Variants in SLC35F3 observed in about 807,000 individuals in gnomAD.
The protein encoded by SLC35F3 is putative thiamine transporter SLC35F3.
In SLC35F3, 25 loss-of-function variants were observed where a neutral mutation model predicts 49.9. That is an observed-to-expected ratio of 0.50 (90% CI 0.37 to 0.70). The LOEUF is 0.70. SLC35F3 is among the 30% of genes least tolerant of loss of function. The pLI is 0.00. For missense variants in SLC35F3, 525 were observed against 639.8 expected (o/e 0.82, Z 1.94); for synonymous variants, 275 against 265.4 (o/e 1.04, Z -0.35).
intron 2 of SLC35F3, among the ~76,000 whole-genome samples, chr1:234,051,728 G>A (rs1300105304): frequency 6.6e-6 from 1 of 152,118 alleles, no homozygotes; most frequent in African/African-American, 2.4e-5. Flanking sequence ...AGTTTTCAAA[G>A]GGAATGCTTC....
chr1:233,970,739 G>C (rs1448761913), intron 2 of SLC35F3, among the ~76,000 whole-genome samples: 5 of 152,194 alleles, frequency 3.3e-5, no homozygotes, highest in African/African-American at 1.2e-4. Context: ...AAGAGACAGA[G>C]AGAAGACGGC....
At chr1:233,926,452 A>G (rs1662161939) in intron 2 of SLC35F3, among the ~76,000 whole-genome samples, 6 of 152,110 alleles carry the variant, frequency 3.9e-5, no homozygotes, top group African/African-American at 1.4e-4. Flanking sequence ...CAAGCGTCAC[A>G]TAGTTCTCAT....
rs534815351 is a variant in SLC35F3, at chr1:233,941,780, A to AT, written c.283+36028dup. 3.1e-3 allele frequency among the ~76,000 whole-genome samples: 470 copies of AT among 152,176 alleles called. 3 individuals are homozygous for AT. Among genetic ancestry groups the AT allele is most frequent in the African/African-American group, 0.011 (459 of 41,520 alleles). ...GAAAATCACTAACCTTTAGGACTAG[A>AT]TTTTTTAACAGCTTTATTGAGATAT... On this transcript the variant is annotated intron_variant, in intron 2 of 7. Transcript: ENST00000366618.
intron 2 of SLC35F3, among the ~76,000 whole-genome samples, chr1:234,103,580 C>T (rs1308071235): frequency 6.6e-6 from 1 of 152,058 alleles, no homozygotes; most frequent in African/African-American, 2.4e-5. Flanking sequence ...CACATTTTGT[C>T]GGGGGTTGTA....
chr1:234,309,125 C>A lies in SLC35F3; in HGVS notation c.633C>A (p.Asp211Glu), dbSNP rs955583343. ...RYRECCRFFG[D>E]NGLTLKVFFT... Reference sequence around the variant, plus strand: ...GGGAATGCTGTCGATTTTTTGGAGACAATGGCTTGACTTTGAAGGTGTTTT... The same window carrying A: ...GGGAATGCTGTCGATTTTTTGGAGAAAATGGCTTGACTTTGAAGGTGTTTT... Residue 211 changes from aspartate (D) to glutamate (E), a missense_variant, in exon 4 of 8, where the codon GAC (aspartate) becomes GAA (glutamate). Physicochemically the swap from Asp to Glu is conservative, Grantham distance 45. Transcript: ENST00000366618. 6.2e-7 allele frequency: 1 copy of A among 1,613,966 alleles called. No individual in the cohort carries two copies. Among genetic ancestry groups the A allele is most frequent in the Non-Finnish European group, 8.5e-7 (1 of 1,179,962 alleles).
intron 2 of SLC35F3, among the ~76,000 whole-genome samples, chr1:233,979,426 T>C (rs946449622): frequency 2.0e-5 from 3 of 152,210 alleles, no homozygotes; most frequent in African/African-American, 7.2e-5. Context: ...CAGCATGATA[T>C]GAAGAGAAAG....
chr1:234,309,652 T>C lies in SLC35F3; in HGVS notation c.828+332T>C, dbSNP rs538559423. ...CTCTGCGTGCTCACCCCGTCTCTCA[T>C]GGGCGGCTTTCCCGGCTGTAGGGCG... On this transcript the variant is annotated intron_variant, in intron 4 of 7. Coordinates refer to ENST00000366618, the MANE Select transcript of SLC35F3 (RefSeq NM_173508.4). Among the ~76,000 whole-genome samples the C allele has an allele frequency of 4.6e-5, 7 of 152,374 alleles. No homozygotes were observed. The South Asian group carries it at 1.4e-3, about 32-fold the overall frequency.
At chr1:234,296,513 A>G (rs1354216565) in intron 3 of SLC35F3, among the ~76,000 whole-genome samples, 1 of 152,260 alleles carries the variant, frequency 6.6e-6, no homozygotes, top group African/African-American at 2.4e-5. Context: ...CTAAGTAGCC[A>G]GACTGCTTCA....
chr1:234,147,018 T>G (rs540086697), intron 2 of SLC35F3, among the ~76,000 whole-genome samples: 65 of 152,206 alleles, frequency 4.3e-4, no homozygotes, highest in Non-Finnish European at 8.5e-4. Context: ...TCACTGTCTT[T>G]TTTTACACCC....
chr1:234,124,811 G>A (rs1665623959), intron 2 of SLC35F3, among the ~76,000 whole-genome samples: 1 of 152,110 alleles, frequency 6.6e-6, no homozygotes, highest in Non-Finnish European at 1.5e-5. Context: ...GAGGTTTCAG[G>A]GAGCTATGAG....
At chr1:234,124,930 A>G (rs571036709) in intron 2 of SLC35F3, among the ~76,000 whole-genome samples, 2 of 152,216 alleles carry the variant, frequency 1.3e-5, no homozygotes, top group Admixed American at 6.5e-5. Flanking sequence ...GCATGTGTCC[A>G]TGCATGCATT....
At position 234,299,225 on chromosome 1, in the gene SLC35F3, CA is replaced by C. The variant is rs534525233; in HGVS notation, c.609-9869del. On this transcript the variant is annotated intron_variant, in intron 3 of 7. Coordinates refer to ENST00000366618, the MANE Select transcript of SLC35F3 (RefSeq NM_173508.4). ...TGGGATCAGACAAGGAGGAACCAAA[CA>C]AAAAAAGCGTCCACCAAGGCAAAGA... Among the ~76,000 whole-genome samples the C allele has an allele frequency of 3.4e-4, 52 of 152,052 alleles. No homozygotes were observed. In the East Asian group the frequency reaches 3.9e-3, roughly 11 times the overall value.
At chr1:234,184,342 A>G (rs920758411) in intron 2 of SLC35F3, among the ~76,000 whole-genome samples, 1 of 152,210 alleles carries the variant, frequency 6.6e-6, no homozygotes, top group African/African-American at 2.4e-5. Flanking sequence ...TGATGTTTTC[A>G]GTATTCAAAC....
chr1:233,960,828 G>T (rs367644384), intron 2 of SLC35F3, among the ~76,000 whole-genome samples: 6 of 152,152 alleles, frequency 3.9e-5, no homozygotes, highest in South Asian at 4.1e-4. Flanking sequence ...AAGTTCTTTC[G>T]ACCTTGACCT....
At chr1:233,942,778 G>T (rs1662449609) in intron 2 of SLC35F3, among the ~76,000 whole-genome samples, 1 of 152,130 alleles carries the variant, frequency 6.6e-6, no homozygotes, top group Non-Finnish European at 1.5e-5. Context: ...GCTCTATGTT[G>T]TACAGCAGAT....
At chr1:233,924,277 A>C (rs1210028067) in intron 2 of SLC35F3, among the ~76,000 whole-genome samples, 2 of 151,902 alleles carry the variant, frequency 1.3e-5, no homozygotes, top group East Asian at 3.9e-4. Context: ...CTGGTCCTAC[A>C]GTTTTTTTGG....
intron 2 of SLC35F3, among the ~76,000 whole-genome samples, chr1:233,966,917 G>A (rs1206954850): frequency 6.6e-6 from 1 of 152,170 alleles, no homozygotes; most frequent in African/African-American, 2.4e-5. Flanking sequence ...TTCCAGCCCT[G>A]TGTGAGATAT....
chr1:234,084,863 G>T (rs1020771141), intron 2 of SLC35F3, among the ~76,000 whole-genome samples: 1 of 152,010 alleles, frequency 6.6e-6, no homozygotes, highest in Non-Finnish European at 1.5e-5. Context: ...TTTGTTTTTG[G>T]GATTCTTCAC....
chr1:233,996,907 G>A (rs57485465), intron 2 of SLC35F3, among the ~76,000 whole-genome samples: 59,529 of 151,360 alleles, frequency 0.39, 12,108 homozygotes, highest in Non-Finnish European at 0.44. Context: ...CATATTGGGT[G>A]ACCCTGTGAC....
Sources: allele counts gnomAD v4.1 joint callset (sites outside exome capture counted in the v4.1 genomes callset), GRCh38; gene constraint gnomAD v4.1.1; transcripts MANE v1.5; gene names NCBI Gene and HGNC (gene_info 2026-07-23, HGNC 2026-07-21).